The following TAF15 variants were observed in gnomAD, a reference collection of about 807,000 sequenced individuals.
TAF15 encodes TATA-box binding protein associated factor 15.
TAF15 carries 37 observed loss-of-function variants against 102.5 expected under a neutral mutation model. The observed-to-expected ratio is 0.36, with a 90% CI of 0.28 to 0.47. The LOEUF (loss-of-function observed/expected upper bound fraction) is 0.47, where lower values mean the gene tolerates loss of function less well. TAF15 is among the 20% of genes least tolerant of loss of function. TAF15 has a pLI of 0.99. For synonymous variants in TAF15, 273 were observed against 259.2 expected (o/e 1.05, Z -0.51); for missense variants, 652 against 760.7 (o/e 0.86, Z 1.68).
intron 7 of TAF15, among the ~76,000 whole-genome samples, chr17:35,831,960 C>T (rs2087412238): frequency 6.6e-6 from 1 of 152,082 alleles, no homozygotes; most frequent in Non-Finnish European, 1.5e-5. Context: ...CGCCTGCAGT[C>T]CCAGCTACTC....
chr17:35,810,511 C>G (rs2087112877), intron 1 of TAF15: 1 of 152,186 alleles, frequency 6.6e-6, no homozygotes, highest in South Asian at 2.1e-4. Context: ...ACACAGGGTC[C>G]TCTATTGTTA....
At chr17:35,821,425 G>A (rs540390730) in intron 5 of TAF15, among the ~76,000 whole-genome samples, 1 of 152,200 alleles carries the variant, frequency 6.6e-6, no homozygotes, top group Non-Finnish European at 1.5e-5. Context: ...AGTCTGAAAA[G>A]AAATGTTAAG....
chr17:35,823,848 CAGAT>C, intron 6 of TAF15: 1 of 595,780 alleles, frequency 1.7e-6, no homozygotes, highest in Admixed American at 2.7e-5. Context: ...GAATTTGACA[CAGAT>C]ACATTACTGT....
At chr17:35,833,176 C>T (rs2087427914) in intron 7 of TAF15, among the ~76,000 whole-genome samples, 1 of 151,662 alleles carries the variant, frequency 6.6e-6, no homozygotes, top group African/African-American at 2.4e-5. Flanking sequence ...AAAAAGTTGT[C>T]CTGTTTGGAA....
At chr17:35,843,231 C>T (rs1357640466) in intron 12 of TAF15, among the ~76,000 whole-genome samples, 1 of 152,096 alleles carries the variant, frequency 6.6e-6, no homozygotes, top group African/African-American at 2.4e-5. Context: ...TCAAGTGATT[C>T]GCCTGCCTCA....
At chr17:35,842,340 C>G in intron 11 of TAF15, 27 bp from the exon 12 acceptor site, 2 of 1,579,574 alleles carry the variant, frequency 1.3e-6, no homozygotes, top group Non-Finnish European at 1.7e-6. Context: ...AGTAGCATTG[C>G]TTCAAAGCTG....
Position 35,844,366 on chromosome 17 carries a change from G to A in TAF15, c.1175G>A (p.Gly392Glu). ...PRPEDSRPSG[G>E]DFRGRGYGGE... ...CCAGAGGACTCTCGTCCCTCAGGAG[G>A]AGGTGGGTCAGCCTTTTAATAGCAT... The change falls in exon 14 of 16, where the codon GGA becomes GAA. Residue 392 changes from glycine to glutamate, a missense_variant and splice_region_variant. Coordinates refer to ENST00000605844, the MANE Select transcript of TAF15 (RefSeq NM_139215.3). 2 of 1,614,200 alleles carry A rather than the reference G, an allele frequency of 1.2e-6. No individual in the cohort carries two copies. The highest frequency in any genetic ancestry group is 1.7e-6 in the Non-Finnish European group (2 of 1,180,032).
chr17:35,838,196 A>T (rs969388421), intron 10 of TAF15, among the ~76,000 whole-genome samples: 2 of 152,190 alleles, frequency 1.3e-5, no homozygotes, highest in Non-Finnish European at 2.9e-5. Context: ...AAAAAAAATT[A>T]TACATAGATA....
chr17:35,816,808 A>AC (rs2087200777), intron 1 of TAF15: 5 of 46,324 alleles, frequency 1.1e-4, no homozygotes, highest in African/African-American at 2.6e-4. Context: ...CCCCCACCCC[A>AC]CCCCCACTTT....
chr17:35,842,330 A>T (rs766445303), intron 11 of TAF15, 37 bp from the exon 12 acceptor site: 41 of 1,500,530 alleles, frequency 2.7e-5, no homozygotes, highest in Middle Eastern at 1.8e-4. Context: ...GGAGGTATAG[A>T]GTAGCATTGC....
At position 35,844,970 on chromosome 17, in the gene TAF15, C is replaced by T. The variant is rs1403622336; in HGVS notation, c.1671C>T (p.Gly557=). ...ATGGAGGAGACAGGAGTGGTGGCGG[C>T]TATGGAGGAGACCGAGGTGGGGGCT... The part of the protein sequence containing the change: ...GGYGGDRSGG[G]YGGDRGGGYG... The change falls in exon 15 of 16, where the codon GGC becomes GGT. Residue 557 remains glycine, a synonymous_variant. Coordinates refer to ENST00000605844, the MANE Select transcript of TAF15 (RefSeq NM_139215.3). The T allele has an allele frequency of 5.0e-6, 8 of 1,612,530 alleles. No individual in the cohort carries two copies. In the East Asian group the frequency reaches 8.9e-5, roughly 18 times the overall value.
intron 15 of TAF15, among the ~76,000 whole-genome samples, chr17:35,845,559 A>C (rs896208137): frequency 6.6e-6 from 1 of 152,112 alleles, no homozygotes; most frequent in African/African-American, 2.4e-5. Context: ...CCTGCTGGAA[A>C]TTCTTTGCAG....
At chr17:35,837,153 T>C (rs1460676053) in intron 10 of TAF15, among the ~76,000 whole-genome samples, 1 of 152,068 alleles carries the variant, frequency 6.6e-6, no homozygotes, top group Non-Finnish European at 1.5e-5. Flanking sequence ...ATTTTGTTGT[T>C]GTCGTTGTTG....
intron 10 of TAF15, among the ~76,000 whole-genome samples, chr17:35,837,793 C>T (rs1481424373): frequency 2.0e-5 from 3 of 151,892 alleles, no homozygotes; most frequent in Non-Finnish European, 2.9e-5. Flanking sequence ...TGCCACTGCA[C>T]TCCAGCCTGG....
intron 11 of TAF15, among the ~76,000 whole-genome samples, chr17:35,841,546 C>T (rs2087545302): frequency 6.6e-6 from 1 of 151,774 alleles, no homozygotes; most frequent in Non-Finnish European, 1.5e-5. Flanking sequence ...GCTAGGACCA[C>T]AGGTGCCACC....
At position 35,820,093 on chromosome 17, in the gene TAF15, T is replaced by C. The variant is rs769884697; in HGVS notation, c.99+18T>C. 6.2e-7 allele frequency: 1 copy of C among 1,613,998 alleles called. No individual in the cohort carries two copies. Among genetic ancestry groups the C allele is most frequent in the Non-Finnish European group, 8.5e-7 (1 of 1,179,870 alleles). On this transcript the variant is annotated intron_variant, in intron 3 of 15. Transcript: ENST00000605844. ...CATCACAAGTAGGTTGAAATATAAA[T>C]TGTATTCTTCATAAGTAGTTATTTT... is the stretch of plus-strand genomic sequence containing the variant.
intron 9 of TAF15, 40 bp downstream of exon 9, chr17:35,834,638 A>G: frequency 6.3e-7 from 1 of 1,599,902 alleles, no homozygotes; most frequent in East Asian, 2.3e-5. Flanking sequence ...CATTAAGAAA[A>G]TGTTAGTTTT....
At chr17:35,816,049 C>A (rs1221281395) in intron 1 of TAF15, among the ~76,000 whole-genome samples, 3 of 152,082 alleles carry the variant, frequency 2.0e-5, no homozygotes, top group Non-Finnish European at 4.4e-5. Flanking sequence ...GCAGCCTCGA[C>A]CTCCTGGGCT....
rs765166029 is a variant in TAF15, at chr17:35,809,548, C to T, written c.-22C>T. On this transcript the variant is annotated 5_prime_UTR_variant, in exon 1 of 16. Transcript: ENST00000605844. ...CGTTGTTCTCGGCGGGCTGTGGGGC[C>T]TCCGCGCCGCGGCCGTTAGTCATGT... The T allele has an allele frequency of 1.2e-5, 19 of 1,613,036 alleles. No individual in the cohort carries two copies. Among genetic ancestry groups the T allele is most frequent in the African/African-American group, 2.7e-5 (2 of 74,904 alleles).
Sources: allele counts gnomAD v4.1 joint callset (sites outside exome capture counted in the v4.1 genomes callset), GRCh38; gene constraint gnomAD v4.1.1; transcripts MANE v1.5; gene names NCBI Gene and HGNC (gene_info 2026-07-23, HGNC 2026-07-21).